The following KIF21A variants were observed in gnomAD, a reference collection of about 807,000 sequenced individuals.
The protein encoded by KIF21A is kinesin-like protein KIF21A.
KIF21A carries 114 observed loss-of-function variants against 202.9 expected under a neutral mutation model. The observed-to-expected ratio is 0.56, with a 90% CI of 0.48 to 0.66. The LOEUF is 0.66. Among genes scored for constraint, KIF21A ranks in the 30% least tolerant of loss-of-function variants. KIF21A has a pLI of 0.00. For synonymous variants in KIF21A, 667 were observed against 670.8 expected, an observed-to-expected ratio of 0.99 and a Z score of 0.09; for missense variants, 1,677 against 1,994.9, an observed-to-expected ratio of 0.84 and a Z score of 3.04.
intron 37 of KIF21A, among the ~76,000 whole-genome samples, chr12:39,298,928 A>G (rs1432654247): frequency 1.3e-5 from 2 of 152,212 alleles, no homozygotes; most frequent in East Asian, 3.8e-4. Flanking sequence ...TCTAAGGACT[A>G]AATGAGTTAA....
At chr12:39,355,307 T>C (rs1402472899) in intron 10 of KIF21A, among the ~76,000 whole-genome samples, 3 of 152,072 alleles carry the variant, frequency 2.0e-5, no homozygotes, top group Admixed American at 2.0e-4. Flanking sequence ...TTCTAGGAAA[T>C]AAGCACTAGT....
intron 1 of KIF21A, among the ~76,000 whole-genome samples, chr12:39,438,390 C>T (rs946865911): frequency 2.0e-5 from 3 of 152,298 alleles, no homozygotes; most frequent in Admixed American, 6.5e-5. Context: ...ATTTAACAGA[C>T]TGCACATGAA....
intron 35 of KIF21A, among the ~76,000 whole-genome samples, chr12:39,304,227 C>G (rs1943239292): frequency 6.6e-6 from 1 of 152,154 alleles, no homozygotes; most frequent in Admixed American, 6.6e-5. Context: ...CTCTTTCTTA[C>G]CTTCTTCCTA....
Position 39,309,780 on chromosome 12 carries a change from A to T in KIF21A, c.4097-14T>A. 6.2e-7 allele frequency: 1 copy of T among 1,609,320 alleles called. No homozygotes were observed. The stretch of plus-strand genomic sequence containing the variant: ...TACAAGTACGATCTAAAACAAACAC[A>T]TAAAAAAAAGAAAACACCATTAATA... On this transcript the variant is annotated splice_polypyrimidine_tract_variant and intron_variant, in intron 32 of 37. Coordinates refer to ENST00000361418, the MANE Select transcript of KIF21A (RefSeq NM_001173464.2).
At chr12:39,358,979 A>T (rs1484666637) in intron 7 of KIF21A, among the ~76,000 whole-genome samples, 2 of 152,194 alleles carry the variant, frequency 1.3e-5, no homozygotes, top group African/African-American at 2.4e-5. Flanking sequence ...GGATAGTGAA[A>T]TGCTAAGTAT....
In KIF21A at chr12:39,304,857, A is replaced by G. The variant is rs1163552699; in HGVS notation, c.4524T>C (p.Asp1508=). Residue 1508 remains aspartate, a synonymous_variant, in exon 35 of 38, where the codon GAT becomes GAC. Coordinates refer to ENST00000361418, the MANE Select transcript of KIF21A (RefSeq NM_001173464.2). ...GATCCTTGGAGCCAGTGATGATTAG[A>G]TCTTGTCCACTGGAAATCTGATCCA... ...LTVDQISSGQ[D]LIITGSKDHY... The G allele has an allele frequency of 1.9e-6, 3 of 1,603,768 alleles. No homozygotes were observed. Among genetic ancestry groups the G allele is most frequent in the Non-Finnish European group, 2.6e-6 (3 of 1,171,114 alleles).
Position 39,443,051 on chromosome 12 carries a change from C to T in KIF21A, c.-81G>A. On this transcript the variant is annotated 5_prime_UTR_variant, in exon 1 of 38. Coordinates refer to ENST00000361418, the MANE Select transcript of KIF21A (RefSeq NM_001173464.2). ...CCACTGGGGCCGCGGGACTCGGGCG[C>T]AGTAGGCTGGGGCGTCTGCGGGCGG... The T allele has an allele frequency of 1.4e-6, 2 of 1,439,860 alleles. No homozygotes were observed. The highest frequency in any genetic ancestry group is 2.7e-5 in the South Asian group (2 of 74,866). 89.2% of individuals were successfully genotyped at this position (1,439,860 alleles called of 1,614,324 possible).
At chr12:39,325,757 T>C in intron 26 of KIF21A, 82 bp downstream of exon 26, 1 of 974,486 alleles carries the variant, frequency 1.0e-6, no homozygotes, top group Non-Finnish European at 1.7e-6. Flanking sequence ...CTATTAAGAG[T>C]CAAATCTGAA....
At chr12:39,436,448 A>ATATATT (rs1387332677) in intron 1 of KIF21A, among the ~76,000 whole-genome samples, 13 of 95,764 alleles carry the variant, frequency 1.4e-4, no homozygotes, top group South Asian at 7.8e-4. Context: ...ATATATATAT[A>ATATATT]TTTTTTTTTT....
chr12:39,304,983 G>A (rs764001672), intron 34 of KIF21A, 45 bp from the exon 35 acceptor site: 4 of 905,340 alleles, frequency 4.4e-6, no homozygotes, highest in Non-Finnish European at 7.3e-6. Context: ...TTATTTCTTA[G>A]TATGATGGGA....
intron 1 of KIF21A, among the ~76,000 whole-genome samples, chr12:39,393,028 T>C (rs763244606): frequency 9.4e-5 from 14 of 149,636 alleles, no homozygotes; most frequent in Non-Finnish European, 4.4e-5. Flanking sequence ...GGATCCACAT[T>C]TTAAAAGAAA....
Position 39,343,145 on chromosome 12 carries a change from C to T in KIF21A, c.1713-1021G>A, listed in dbSNP as rs561301685. On this transcript the variant is annotated intron_variant, in intron 12 of 37. Coordinates refer to ENST00000361418, the MANE Select transcript of KIF21A (RefSeq NM_001173464.2). ...TTGAGAGGCTGAGGCGGGCAGATCA[C>T]GAGGTCAGGCATTTGAGTCCAGCCT... 8.5e-5 allele frequency among the ~76,000 whole-genome samples: 13 copies of T among 152,156 alleles called. No individual in the cohort carries two copies. The South Asian group carries it at 1.2e-3, about 15-fold the overall frequency.
chr12:39,322,145 A>G (rs1311736364), intron 27 of KIF21A: 1 of 152,606 alleles, frequency 6.6e-6, no homozygotes, highest in East Asian at 1.9e-4. Flanking sequence ...GCATACACTC[A>G]TCCCAGAATA....
intron 1 of KIF21A, among the ~76,000 whole-genome samples, chr12:39,382,164 A>G (rs746238225): frequency 2.6e-5 from 4 of 152,216 alleles, no homozygotes; most frequent in Non-Finnish European, 5.9e-5. Context: ...TTTCTCTGCC[A>G]AAAGTTACCT....
At chr12:39,406,956 T>G (rs1036864465) in intron 1 of KIF21A, among the ~76,000 whole-genome samples, 2 of 152,196 alleles carry the variant, frequency 1.3e-5, no homozygotes, top group East Asian at 1.9e-4. Context: ...AGAATAAAAC[T>G]TCATCTTCCC....
At chr12:39,412,475 G>A (rs1013437702) in intron 1 of KIF21A, among the ~76,000 whole-genome samples, 3 of 152,200 alleles carry the variant, frequency 2.0e-5, no homozygotes, top group African/African-American at 4.8e-5. Context: ...CCAGCACTTC[G>A]GAAGGCTAAG....
At chr12:39,416,813 G>C (rs1009474317) in intron 1 of KIF21A, among the ~76,000 whole-genome samples, 1 of 98,678 alleles carries the variant, frequency 1.0e-5, no homozygotes, top group Admixed American at 1.0e-4. Context: ...ATATATATGT[G>C]TGTATATATG....
In KIF21A at chr12:39,370,250, T is replaced by C. The variant is rs1272892313; in HGVS notation, c.56A>G (p.Gln19Arg). ...SVRVAVRIRP[Q>R]LAKEKIEGCH... ...TCCTTCAATCTTCTCTTTGGCAAGCTGTGGTCTTATTCTGTGAGAAATAAT... is the reference window on the plus strand; with the variant it reads ...TCCTTCAATCTTCTCTTTGGCAAGCCGTGGTCTTATTCTGTGAGAAATAAT... The change falls in exon 2 of 38, where the codon CAG becomes CGG. Residue 19 changes from glutamine (Q) to arginine (R), a missense_variant. This residue lies in a region of KIF21A where 966 missense variants were observed against 1,180.9 expected (regional missense o/e 0.82). Coordinates refer to ENST00000361418, the MANE Select transcript of KIF21A (RefSeq NM_001173464.2). The C allele has an allele frequency of 2.5e-6, 4 of 1,610,464 alleles. No homozygotes were observed. The highest frequency in any genetic ancestry group is 3.3e-5 in the Admixed American group (2 of 59,966).
chr12:39,412,221 T>C (rs1953153690), intron 1 of KIF21A, among the ~76,000 whole-genome samples: 1 of 152,134 alleles, frequency 6.6e-6, no homozygotes, highest in Admixed American at 6.5e-5. Context: ...ATAAGTACAA[T>C]GATTAATGGT....
Sources: gnomAD v4.1 joint callset for allele counts (sites outside exome capture counted in the v4.1 genomes callset) on GRCh38, gnomAD v4.1.1 for gene constraint, gnomAD v4.1.1 regional missense constraint, MANE v1.5 for transcripts, NCBI Gene and HGNC (gene_info 2026-07-23, HGNC 2026-07-21) for gene names.